Variants in HK1 observed in about 807,000 individuals in gnomAD.
HK1 encodes the protein hexokinase-1.
A neutral mutation model predicts 91.6 loss-of-function variants in HK1; 28 were observed. The observed-to-expected ratio is 0.31, with a 90% CI of 0.23 to 0.42. HK1 has a LOEUF of 0.42. HK1 is among the 10% of genes least tolerant of loss of function. The probability of loss-of-function intolerance (pLI) is 1.00; values close to 1 mark genes in which losing one functional copy is unlikely to be tolerated. For missense variants in HK1, 770 were observed against 1,219.8 expected, an observed-to-expected ratio of 0.63 and a Z score of 5.49; for synonymous variants, 430 against 468.1, an observed-to-expected ratio of 0.92 and a Z score of 1.05.
Position 69,380,206 on chromosome 10 carries a change from G to A in HK1, c.1265+111G>A. ...AACGTTTTTCGGCAGACAAGACAAT[G>A]GTGGTCGGGGGCTGTGGCTCATGCC... On this transcript the variant is annotated intron_variant, in intron 9 of 17. Coordinates refer to ENST00000359426, the MANE Select transcript of HK1 (RefSeq NM_000188.3). The surrounding 1 kb of genome is among the most constrained non-coding windows in gnomAD (Gnocchi z 4.0). 1 of 847,626 alleles carries A rather than the reference G, an allele frequency of 1.2e-6. No individual in the cohort carries two copies. Among genetic ancestry groups the A allele is most frequent in the African/African-American group, 1.7e-5 (1 of 59,992 alleles). The allele number at this position is 847,626 out of a possible 1,614,324, so 52.5% of individuals were successfully genotyped here.
In HK1 at chr10:69,293,875, T is replaced by G. The variant is rs866200614; in HGVS notation, c.-114-1758T>G. 9.6e-3 allele frequency among the ~76,000 whole-genome samples: 1,422 copies of G among 148,512 alleles called. 43 individuals carry two copies. Among genetic ancestry groups the G allele is most frequent in the African/African-American group, 0.034 (1,370 of 40,198 alleles). The stretch of plus-strand genomic sequence containing the variant: ...TCTTTCTTTTTTTTTTTTTTTTTTT[T>G]TTTTGAGACAGAGTCTCCCACTTTG... On this transcript the variant is annotated intron_variant, in intron 3 of 21. Transcript: ENST00000360289.
intron 1 of HK1, among the ~76,000 whole-genome samples, chr10:69,320,461 C>T (rs769066736): frequency 6.6e-6 from 1 of 152,136 alleles, no homozygotes; most frequent in Non-Finnish European, 1.5e-5. Context: ...CTATGGAGCA[C>T]CCTGGAGCTT....
chr10:69,340,472 A>G (rs1225601333), intron 1 of HK1, among the ~76,000 whole-genome samples: 1 of 150,888 alleles, frequency 6.6e-6, no homozygotes, highest in Non-Finnish European at 1.5e-5. Context: ...CTGGTCTTGA[A>G]CTCCTGACCT....
chr10:69,282,856 C>T (rs567759213), intron 2 of HK1, among the ~76,000 whole-genome samples: 1 of 152,016 alleles, frequency 6.6e-6, no homozygotes, highest in Non-Finnish European at 1.5e-5. Context: ...GTGGCTCATG[C>T]CTATAATCCC....
rs1839320053 is a variant in HK1 at position 69,380,207 on chromosome 10, G to A, written c.1265+112G>A. 4.7e-6 allele frequency: 4 copies of A among 850,100 alleles called. No individual in the cohort carries two copies. Among genetic ancestry groups the A allele is most frequent in the Non-Finnish European group, 7.8e-6 (4 of 511,318 alleles). The allele number at this position is 850,100 out of a possible 1,614,324, so 52.7% of individuals were successfully genotyped here. A position where few individuals can be genotyped will look rare whatever the true frequency, so the allele number is the denominator to read the frequency against. On this transcript the variant is annotated intron_variant, in intron 9 of 17. Coordinates refer to ENST00000359426, the MANE Select transcript of HK1 (RefSeq NM_000188.3). The surrounding 1 kb of genome is among the most constrained non-coding windows in gnomAD (Gnocchi z 4.0). ...ACGTTTTTCGGCAGACAAGACAATG[G>A]TGGTCGGGGGCTGTGGCTCATGCCT...
intron 1 of HK1, among the ~76,000 whole-genome samples, chr10:69,327,293 C>T (rs1458781440): frequency 6.6e-6 from 1 of 152,070 alleles, no homozygotes; most frequent in Non-Finnish European, 1.5e-5. Context: ...CACACTCAGC[C>T]AGTTTTAAAC....
chr10:69,291,007 A>G (rs1369796111), intron 3 of HK1, among the ~76,000 whole-genome samples: 1 of 152,112 alleles, frequency 6.6e-6, no homozygotes, highest in Non-Finnish European at 1.5e-5. Context: ...CCGCAACCAG[A>G]GTGAGAAAAG....
intron 1 of HK1, among the ~76,000 whole-genome samples, chr10:69,320,483 C>T (rs886483419): frequency 3.9e-5 from 6 of 152,166 alleles, no homozygotes; most frequent in African/African-American, 1.2e-4. Context: ...CCTCTGGCCA[C>T]TGACCTGGGA....
chr10:69,351,451 G>T (rs1304118935), intron 2 of HK1, among the ~76,000 whole-genome samples: 1 of 152,218 alleles, frequency 6.6e-6, no homozygotes, highest in African/African-American at 2.4e-5. Context: ...GGAGGTTGCA[G>T]TGAGCCGAGA....
At position 69,365,032 on chromosome 10, in the gene HK1, T is replaced by G. The variant is rs1378817911; in HGVS notation, c.495+130T>G. The G allele has an allele frequency of 6.9e-6, 7 of 1,010,324 alleles. No individual in the cohort carries two copies. The East Asian group carries it at 1.7e-4, about 25-fold the overall frequency. The allele number at this position is 1,010,324 out of a possible 1,614,324, so 62.6% of individuals were successfully genotyped here. ...CATGTCTGGTATTTTTAAAGAAACA[T>G]TTGCAGAAGTTAGTGTGGTATCATG... On this transcript the variant is annotated intron_variant, in intron 4 of 17. Transcript: ENST00000359426.
At chr10:69,365,320 T>C (rs1412874153) in intron 4 of HK1, among the ~76,000 whole-genome samples, 1 of 152,122 alleles carries the variant, frequency 6.6e-6, no homozygotes, top group Admixed American at 6.5e-5. Flanking sequence ...TGCCTCTCCA[T>C]AGTGGAGCTG....
intron 5 of HK1, among the ~76,000 whole-genome samples, chr10:69,309,526 G>T (rs1446712112): frequency 3.4e-5 from 4 of 117,224 alleles, no homozygotes; most frequent in Non-Finnish European, 5.0e-5. Context: ...AAAAAAAGCC[G>T]CGAGGTGGCT....
At chr10:69,389,479 T>TGG in intron 14 of HK1, 183 bp downstream of exon 14, 1 of 196,914 alleles carries the variant, frequency 5.1e-6, no homozygotes, top group Admixed American at 6.6e-5. Flanking sequence ...CGGGGGGAGG[T>TGG]GGGGGGGCCT....
chr10:69,280,128 G>GTT (rs61586535), intron 1 of HK1, among the ~76,000 whole-genome samples: 1 of 144,058 alleles, frequency 6.9e-6, no homozygotes, highest in African/African-American at 2.5e-5. Context: ...AAAAGGTTTT[G>GTT]TTTTTTTTTT....
intron 1 of HK1, among the ~76,000 whole-genome samples, chr10:69,275,318 T>C (rs1446923319): frequency 8.6e-5 from 13 of 151,642 alleles, no homozygotes; most frequent in Admixed American, 8.6e-4. Flanking sequence ...GCCAGGAATT[T>C]GAGACCAGCC....
intron 3 of HK1, 104 bp downstream of exon 3, chr10:69,360,149 G>A: frequency 1.7e-6 from 2 of 1,172,790 alleles, no homozygotes; most frequent in Non-Finnish European, 1.3e-6. Flanking sequence ...CCTGGAAGAG[G>A]GTTGCTGGAA....
chr10:69,276,099 A>T, intron 1 of HK1, among the ~76,000 whole-genome samples: 1 of 44,040 alleles, frequency 2.3e-5, no homozygotes, highest in East Asian at 9.7e-4. Context: ...TCAAAAAAAA[A>T]AAAAAAAAAA....
rs1297443118 is a variant in HK1 at position 69,398,751 on chromosome 10, G to T, written c.2532G>T (p.Lys844Asn). 1.2e-6 allele frequency: 2 copies of T among 1,614,248 alleles called. No individual in the cohort carries two copies. Among genetic ancestry groups the T allele is most frequent in the Non-Finnish European group, 1.7e-6 (2 of 1,180,034 alleles). ...CGAGMAAVVD[K>N]IRENRGLDRL... is the part of the protein sequence containing the mutation. ...CAGGCATGGCTGCGGTTGTGGATAAGATCCGCGAGAACAGAGGACTGGACC... is the reference window on the plus strand; with the variant it reads ...CAGGCATGGCTGCGGTTGTGGATAATATCCGCGAGAACAGAGGACTGGACC... Residue 844 changes from lysine (K) to asparagine (N), a missense_variant, in exon 17 of 18, where the codon AAG becomes AAT. Around this residue, in one of 7 missense-constraint regions of HK1, gnomAD observed 78 missense variants for 99.0 expected, o/e 0.79. Transcript: ENST00000359426.
intron 3 of HK1, 32 bp from the exon 4 acceptor site, chr10:69,364,751 G>A (rs535702243): frequency 6.2e-7 from 1 of 1,614,030 alleles, no homozygotes; most frequent in African/African-American, 1.3e-5. Context: ...GCCTGCTTTG[G>A]GGCCCCCTGA....
Sources: gnomAD v4.1 joint callset for allele counts (sites outside exome capture counted in the v4.1 genomes callset) on GRCh38, gnomAD v4.1.1 for gene constraint, gnomAD v4.1.1 regional missense constraint, Gnocchi (gnomAD v3.1) non-coding constraint, MANE v1.5 for transcripts, NCBI Gene and HGNC (gene_info 2026-07-23, HGNC 2026-07-21) for gene names.